EPHA6: variants seen among roughly 807,000 people sequenced by gnomAD.
EPHA6 encodes the protein ephrin type-A receptor 6.
A neutral mutation model predicts 112.0 loss-of-function variants in EPHA6; 50 were observed. The observed-to-expected ratio is 0.45, with a 90% CI of 0.36 to 0.56. EPHA6 has a LOEUF of 0.56. Among genes scored for constraint, EPHA6 ranks in the 20% least tolerant of loss-of-function variants. The pLI is 0.00. For synonymous variants in EPHA6, 529 were observed against 490.7 expected, an observed-to-expected ratio of 1.08 and a Z score of -1.03; for missense variants, 1,280 against 1,417.4, an observed-to-expected ratio of 0.90 and a Z score of 1.56.
intron 3 of EPHA6, among the ~76,000 whole-genome samples, chr3:97,147,708 C>A (rs527527555): frequency 6.6e-5 from 10 of 151,886 alleles, no homozygotes; most frequent in African/African-American, 2.4e-4. Flanking sequence ...TTGTGCAAAC[C>A]CAGACTGGGA....
At chr3:97,455,568 C>T (rs1184084655) in intron 7 of EPHA6, among the ~76,000 whole-genome samples, 6 of 151,888 alleles carry the variant, frequency 4.0e-5, no homozygotes, top group Admixed American at 2.0e-4. Flanking sequence ...ACCTCCAATT[C>T]GTCACCCTCC....
At chr3:97,523,696 A>T (rs1455081505) in intron 10 of EPHA6, among the ~76,000 whole-genome samples, 1 of 151,930 alleles carries the variant, frequency 6.6e-6, no homozygotes, top group Non-Finnish European at 1.5e-5. Flanking sequence ...ATCTCTTCAG[A>T]TTTATTAATG....
chr3:97,371,397 A>T (rs2085044437), intron 5 of EPHA6, among the ~76,000 whole-genome samples: 1 of 152,062 alleles, frequency 6.6e-6, no homozygotes, highest in Admixed American at 6.6e-5. Flanking sequence ...TACTTTTATA[A>T]TTTCTTACAC....
At chr3:97,399,374 A>G (rs2086859344) in intron 5 of EPHA6, among the ~76,000 whole-genome samples, 1 of 151,534 alleles carries the variant, frequency 6.6e-6, no homozygotes, top group Admixed American at 6.6e-5. Flanking sequence ...TCCATATCTT[A>G]GCTATGGTGA....
intron 16 of EPHA6, 72 bp downstream of exon 16, chr3:97,736,190 C>A: frequency 7.7e-7 from 1 of 1,295,784 alleles, no homozygotes; most frequent in Non-Finnish European, 1.0e-6. Context: ...ATAATAATAA[C>A]AGGTAGAAAG....
chr3:96,994,304 A>G (rs1469708305), intron 3 of EPHA6: 2 of 291,570 alleles, frequency 6.9e-6, no homozygotes, highest in South Asian at 4.9e-5. Flanking sequence ...ATTTTATTTC[A>G]TAGATTCATA....
intron 11 of EPHA6, among the ~76,000 whole-genome samples, chr3:97,568,261 T>C (rs2093293013): frequency 6.6e-6 from 1 of 152,222 alleles, no homozygotes; most frequent in Non-Finnish European, 1.5e-5. Context: ...CATCATTTCT[T>C]TCCAGAATTA....
At chr3:97,293,707 G>C (rs987988726) in intron 5 of EPHA6, among the ~76,000 whole-genome samples, 3 of 152,216 alleles carry the variant, frequency 2.0e-5, no homozygotes, top group African/African-American at 4.8e-5. Flanking sequence ...ACTTGGAATG[G>C]GCAGCCCAGG....
chr3:97,416,725 AT>A (rs1366654453), intron 6 of EPHA6, among the ~76,000 whole-genome samples: 1 of 152,154 alleles, frequency 6.6e-6, no homozygotes, highest in African/African-American at 2.4e-5. Context: ...TGATATTAAA[AT>A]TTTTAAACAG....
intron 11 of EPHA6, among the ~76,000 whole-genome samples, chr3:97,590,619 A>C (rs1182845697): frequency 6.6e-6 from 1 of 152,008 alleles, no homozygotes; most frequent in African/African-American, 2.4e-5. Context: ...GCTCTTCATG[A>C]CTATGTTATT....
At chr3:96,962,283 G>C (rs1157133300) in intron 2 of EPHA6, among the ~76,000 whole-genome samples, 2 of 152,062 alleles carry the variant, frequency 1.3e-5, no homozygotes, top group South Asian at 4.1e-4. Flanking sequence ...ACCATGGAGA[G>C]CATTGAATGC....
chr3:97,315,476 G>A (rs568120157), intron 5 of EPHA6, among the ~76,000 whole-genome samples: 1 of 151,784 alleles, frequency 6.6e-6, no homozygotes, highest in African/African-American at 2.4e-5. Flanking sequence ...AATAGTGAGT[G>A]TGGCCCACTC....
chr3:97,512,498 C>T (rs2092383136), intron 10 of EPHA6, among the ~76,000 whole-genome samples: 1 of 152,056 alleles, frequency 6.6e-6, no homozygotes, highest in South Asian at 2.1e-4. Context: ...TTGAACAGTA[C>T]ATCTGACAGT....
chr3:97,646,010 T>C, intron 14 of EPHA6: 4 of 786,850 alleles, frequency 5.1e-6, no homozygotes, highest in Non-Finnish European at 7.2e-6. Flanking sequence ...GTTTGTAATC[T>C]TCAAGAAAAA....
At chr3:97,375,674 G>C (rs1029389993) in intron 5 of EPHA6, among the ~76,000 whole-genome samples, 1 of 151,988 alleles carries the variant, frequency 6.6e-6, no homozygotes, top group Admixed American at 6.6e-5. Context: ...AAACTGTCTT[G>C]AATATTTGAA....
At chr3:97,663,230 T>C (rs2094181483) in intron 14 of EPHA6, among the ~76,000 whole-genome samples, 1 of 152,080 alleles carries the variant, frequency 6.6e-6, no homozygotes, top group Non-Finnish European at 1.5e-5. Context: ...AAGCCAAGAG[T>C]TGGAGACATA....
chr3:97,588,580 G>A lies in EPHA6; in HGVS notation c.2387-4032G>A, dbSNP rs75664002. 4.4e-3 allele frequency among the ~76,000 whole-genome samples: 672 copies of A among 152,288 alleles called. 8 individuals carry two copies. Among genetic ancestry groups the A allele is most frequent in the African/African-American group, 0.016 (650 of 41,566 alleles). ...TTCTATGAGGAGTTTGTATATGTAT[G>A]TGGGGGAATCTGCATTAGGAAATTT... On this transcript the variant is annotated intron_variant, in intron 11 of 17. Transcript: ENST00000389672.
chr3:97,345,558 G>C (rs1158342656), intron 5 of EPHA6, among the ~76,000 whole-genome samples: 1 of 152,096 alleles, frequency 6.6e-6, no homozygotes, highest in East Asian at 1.9e-4. Context: ...CACCAACAGT[G>C]TATTGGTCAA....
Position 97,007,599 on chromosome 3 carries a change from A to G in EPHA6, c.1114+19606A>G, listed in dbSNP as rs371230162. Among the ~76,000 whole-genome samples the G allele has an allele frequency of 9.2e-5, 14 of 152,200 alleles. No individual in the cohort carries two copies. The East Asian group carries it at 2.3e-3, about 25-fold the overall frequency. On this transcript the variant is annotated intron_variant, in intron 3 of 17. Transcript: ENST00000389672. ...ATCTTTTAATTGGGGCATTTAGCCC[A>G]TTTACATTTAAGGTTAGTATTATGT...
Sources: gnomAD v4.1 joint callset for allele counts (sites outside exome capture counted in the v4.1 genomes callset) on GRCh38, gnomAD v4.1.1 for gene constraint, MANE v1.5 for transcripts, NCBI Gene and HGNC (gene_info 2026-07-23, HGNC 2026-07-21) for gene names.